The following DCHS2 variants were observed in gnomAD, a reference collection of about 807,000 sequenced individuals.
The protein encoded by DCHS2 is dachsous cadherin-related 2.
DCHS2 carries 142 observed loss-of-function variants against 182.4 expected under a neutral mutation model. The observed-to-expected ratio is 0.78, with a 90% CI of 0.68 to 0.89. The LOEUF is 0.89. Among genes scored for constraint, DCHS2 ranks in the 40% least tolerant of loss-of-function variants. The pLI, the probability that DCHS2 is intolerant of heterozygous loss-of-function variation, is 0.00. For missense variants in DCHS2, 4,319 were observed against 4,198.6 expected, an observed-to-expected ratio of 1.03 and a Z score of -0.79; for synonymous variants, 1,740 against 1,663.3, an observed-to-expected ratio of 1.05 and a Z score of -1.12.
chr4:154,329,772 C>T, intron 5 of DCHS2, 62 bp from the exon 6 acceptor site: 2 of 1,444,978 alleles, frequency 1.4e-6, no homozygotes, highest in Non-Finnish European at 1.9e-6. Flanking sequence ...AGGGCCAGAA[C>T]CATTTCCAGA....
chr4:154,328,073 G>A lies in DCHS2; in HGVS notation c.4018+20C>T, dbSNP rs532675761. 2.1e-4 allele frequency: 322 copies of A among 1,547,856 alleles called. 2 individuals carry two copies. In the South Asian group the frequency reaches 2.1e-3, roughly 10 times the overall value. On this transcript the variant is annotated intron_variant, in intron 7 of 19. Transcript: ENST00000357232. Reference sequence around the variant, plus strand: ...AGAAATCCTAAAAGTTCTTAATCCCGTATGAACAGTAAGTTTTACCTGAAG... The same window carrying A: ...AGAAATCCTAAAAGTTCTTAATCCCATATGAACAGTAAGTTTTACCTGAAG...
chr4:154,384,602 G>T (rs1731318876), intron 1 of DCHS2: 2 of 1,430,980 alleles, frequency 1.4e-6, no homozygotes, highest in Non-Finnish European at 1.9e-6. Context: ...ATTAAGTTGA[G>T]GATTTTGAGA....
chr4:154,341,663 C>T (rs770649330), intron 3 of DCHS2, among the ~76,000 whole-genome samples: 11 of 151,876 alleles, frequency 7.2e-5, no homozygotes, highest in Non-Finnish European at 1.2e-4. Context: ...ATCAAAAATT[C>T]CTGTGTAGTA....
intron 16 of DCHS2, among the ~76,000 whole-genome samples, chr4:154,245,575 C>T (rs905896779): frequency 6.6e-6 from 1 of 151,906 alleles, no homozygotes; most frequent in South Asian, 2.1e-4. Context: ...AAATATCAGC[C>T]ACCAGTAGAA....
intron 1 of DCHS2, among the ~76,000 whole-genome samples, chr4:154,412,103 T>C (rs1320280704): frequency 6.6e-6 from 1 of 152,116 alleles, no homozygotes; most frequent in Non-Finnish European, 1.5e-5. Flanking sequence ...TTTGATTTGG[T>C]TTAATTATAA....
At chr4:154,271,763 T>G (rs1390693905) in intron 13 of DCHS2, among the ~76,000 whole-genome samples, 1 of 152,192 alleles carries the variant, frequency 6.6e-6, no homozygotes, top group African/African-American at 2.4e-5. Context: ...TCAATTTCAT[T>G]TATGTGAAAT....
chr4:154,411,711 C>T (rs942746579), intron 1 of DCHS2, among the ~76,000 whole-genome samples: 1 of 152,164 alleles, frequency 6.6e-6, no homozygotes, highest in Non-Finnish European at 1.5e-5. Flanking sequence ...TAGATTATAG[C>T]TGCTCTTGCC....
intron 14 of DCHS2, among the ~76,000 whole-genome samples, 169 bp from the exon 15 acceptor site, chr4:154,259,925 C>T (rs1308894930): frequency 2.0e-5 from 3 of 152,070 alleles, no homozygotes; most frequent in African/African-American, 4.8e-5. Flanking sequence ...CGGGTTCAAG[C>T]GATTCTCCTG....
chr4:154,285,953 G>C (rs1480048394), intron 13 of DCHS2, among the ~76,000 whole-genome samples: 3 of 152,160 alleles, frequency 2.0e-5, no homozygotes, highest in African/African-American at 4.8e-5. Flanking sequence ...ATGACCCAGT[G>C]CAGTCCCAGT....
At chr4:154,355,228 G>T (rs756591144) in intron 3 of DCHS2, among the ~76,000 whole-genome samples, 1 of 151,806 alleles carries the variant, frequency 6.6e-6, no homozygotes, top group African/African-American at 2.4e-5. Flanking sequence ...AAAGAAGCAG[G>T]CCAAAACCCA....
intron 2 of DCHS2, among the ~76,000 whole-genome samples, chr4:154,376,109 C>G (rs949564729): frequency 5.3e-5 from 8 of 152,014 alleles, no homozygotes; most frequent in Admixed American, 1.3e-4. Context: ...ACAGTTACAA[C>G]AAGATGCAAA....
chr4:154,433,270 G>A (rs1241581145), intron 1 of DCHS2, among the ~76,000 whole-genome samples: 2 of 152,192 alleles, frequency 1.3e-5, no homozygotes, highest in African/African-American at 4.8e-5. Context: ...CCAGAAGCTT[G>A]GAGGAAATGA....
chr4:154,278,074 C>A (rs887869876), intron 13 of DCHS2, among the ~76,000 whole-genome samples: 1 of 150,642 alleles, frequency 6.6e-6, no homozygotes, highest in East Asian at 1.9e-4. Context: ...AATAATTACA[C>A]AGAAACTCAA....
At chr4:154,417,196 T>TGA (rs1732880003) in intron 1 of DCHS2, among the ~76,000 whole-genome samples, 36 of 67,014 alleles carry the variant, frequency 5.4e-4, no homozygotes, top group South Asian at 1.2e-3. Context: ...TGTGTGTGTG[T>TGA]GTGTGTGTGA....
chr4:154,489,619 A>G lies in DCHS2; in HGVS notation c.1737T>C (p.Thr579=), dbSNP rs1360130646. The G allele has an allele frequency of 1.3e-6, 2 of 1,551,122 alleles. 1 individual carries two copies. Among genetic ancestry groups the G allele is most frequent in the Middle Eastern group, 3.3e-4 (2 of 5,990 alleles). The change falls in exon 1 of 20, where the codon ACT becomes ACC. Residue 579 remains threonine, a synonymous_variant. Transcript: ENST00000357232. ...AGSDHAWLRY[T]VVQLSAPCNL... ...TGCAGGGAGCCGAGAGTTGGACTAC[A>G]GTGTAGCGCAGCCAGGCGTGATCAC...
Position 154,329,662 on chromosome 4 carries a change from T to C in DCHS2, c.3779A>G (p.His1260Arg), listed in dbSNP as rs919538694. 1.2e-6 allele frequency: 2 copies of C among 1,612,288 alleles called. No individual in the cohort carries two copies. The highest frequency in any genetic ancestry group is 1.7e-6 in the Non-Finnish European group (2 of 1,179,864). Residue 1260 changes from histidine (H) to arginine (R), a missense_variant, in exon 6 of 20, where the codon CAT (histidine) becomes CGT (arginine). Transcript: ENST00000357232. Reference sequence around the variant, plus strand: ...GTCTGTCACTAGCACAGTCATCTCATGGTGCCCCCGGTGCTCACGATCCAG... The same window carrying C: ...GTCTGTCACTAGCACAGTCATCTCACGGTGCCCCCGGTGCTCACGATCCAG... Reference protein sequence around the residue: ...VALDREHRGHHEMTVLVTDRG... With the variant: ...VALDREHRGHREMTVLVTDRG...
intron 3 of DCHS2, among the ~76,000 whole-genome samples, chr4:154,348,385 T>C (rs1341085484): frequency 6.6e-6 from 1 of 151,950 alleles, no homozygotes; most frequent in Non-Finnish European, 1.5e-5. Context: ...GTCATAAATT[T>C]GGCAATAATT....
chr4:154,368,824 G>T (rs756115887), intron 2 of DCHS2, among the ~76,000 whole-genome samples: 3 of 152,086 alleles, frequency 2.0e-5, no homozygotes, highest in Non-Finnish European at 4.4e-5. Flanking sequence ...TTGCCGGTAG[G>T]GTAAGCACAC....
At chr4:154,370,805 G>A (rs776226436) in intron 2 of DCHS2, among the ~76,000 whole-genome samples, 8 of 152,256 alleles carry the variant, frequency 5.3e-5, no homozygotes, top group East Asian at 1.9e-4. Context: ...AAAATGCAGC[G>A]TCAGATTTAC....
Sources: gnomAD v4.1 joint callset for allele counts (sites outside exome capture counted in the v4.1 genomes callset) on GRCh38, gnomAD v4.1.1 for gene constraint, MANE v1.5 for transcripts, NCBI Gene and HGNC (gene_info 2026-07-23, HGNC 2026-07-21) for gene names.